CACNG3: variants seen among roughly 807,000 people sequenced by gnomAD.
The protein encoded by CACNG3 is calcium voltage-gated channel auxiliary subunit gamma 3.
CACNG3 carries 3 observed loss-of-function variants against 28.5 expected under a neutral mutation model. That is an observed-to-expected ratio of 0.11 (90% CI 0.05 to 0.27). The LOEUF (loss-of-function observed/expected upper bound fraction) is 0.27, where lower values mean the gene tolerates loss of function less well. Ranked by LOEUF, CACNG3 falls within the 10% of genes least tolerant of loss-of-function variation. The probability of loss-of-function intolerance (pLI) is 1.00; values close to 1 mark genes in which losing one functional copy is unlikely to be tolerated. For synonymous variants in CACNG3, 174 were observed against 162.2 expected (o/e 1.07, Z -0.55); for missense variants, 236 against 414.4 (o/e 0.57, Z 3.74).
rs1055843023 is a variant in CACNG3, at chr16:24,262,534, T to C, written c.211+5569T>C. ...ACCAACTCCCCACCACCACTGCACC[T>C]ACCCTAGCCCTTACTGGGGCTGCTC... On this transcript the variant is annotated intron_variant, in intron 1 of 3. Coordinates refer to ENST00000005284, the MANE Select transcript of CACNG3 (RefSeq NM_006539.4). Among the ~76,000 whole-genome samples the C allele has an allele frequency of 7.9e-5, 12 of 152,350 alleles. 1 individual carries two copies. Among genetic ancestry groups the C allele is most frequent in the Admixed American group, 3.9e-4 (6 of 15,298 alleles).
intron 1 of CACNG3, among the ~76,000 whole-genome samples, chr16:24,279,998 G>A (rs1898802907): frequency 6.6e-6 from 1 of 152,190 alleles, no homozygotes; most frequent in Non-Finnish European, 1.5e-5. Flanking sequence ...ATGGAGCTAT[G>A]CTTTTTTGAT....
rs573391144 is a variant in CACNG3, at chr16:24,361,003, G to A, written c.437-349G>A. 1.3e-5 allele frequency among the ~76,000 whole-genome samples: 2 copies of A among 152,312 alleles called. No homozygotes were observed. The highest frequency in any genetic ancestry group is 4.1e-4 in the South Asian group (2 of 4,828). ...GTAAAGAATTCAAGGGCAGAGGCGT[G>A]TATCTTGTTCATTTTACAATCTTCA... On this transcript the variant is annotated intron_variant, in intron 3 of 3. Transcript: ENST00000005284. This position sits in a 1 kb window ranked among gnomAD's most constrained non-coding sequence, Gnocchi z 6.8.
At chr16:24,272,985 C>G (rs1460669792) in intron 1 of CACNG3, among the ~76,000 whole-genome samples, 1 of 152,116 alleles carries the variant, frequency 6.6e-6, no homozygotes, top group Admixed American at 6.5e-5. Context: ...TCCTGATCTT[C>G]TCCCTTCTCC....
At chr16:24,292,605 A>C in intron 1 of CACNG3, among the ~76,000 whole-genome samples, 1 of 146,804 alleles carries the variant, frequency 6.8e-6, no homozygotes, top group African/African-American at 2.5e-5. Flanking sequence ...CTCTGCCCAG[A>C]CTCTCTCCCT....
chr16:24,347,348 G>A lies in CACNG3; in HGVS notation c.295+531G>A, dbSNP rs74822621. Among the ~76,000 whole-genome samples the A allele has an allele frequency of 7.5e-3, 1,138 of 151,984 alleles. 17 individuals are homozygous for A. Among genetic ancestry groups the A allele is most frequent in the African/African-American group, 0.026 (1,065 of 41,440 alleles). On this transcript the variant is annotated intron_variant, in intron 2 of 3. Coordinates refer to ENST00000005284, the MANE Select transcript of CACNG3 (RefSeq NM_006539.4). ...AGAAAGAGAAGGAGAAAGAAAAGGA[G>A]AATGAGAATGAGAAAGAGAAAGAGA...
chr16:24,258,435 A>G (rs917383456), intron 1 of CACNG3, among the ~76,000 whole-genome samples: 1 of 152,206 alleles, frequency 6.6e-6, no homozygotes, highest in Non-Finnish European at 1.5e-5. Context: ...GCCTTGGTTA[A>G]GACATTTACC....
chr16:24,280,383 C>T (rs1181480999), intron 1 of CACNG3, among the ~76,000 whole-genome samples: 1 of 152,194 alleles, frequency 6.6e-6, no homozygotes, highest in Non-Finnish European at 1.5e-5. Context: ...GTGTTCTCAA[C>T]CATAATTTGG....
chr16:24,262,354 G>A (rs1377154297), intron 1 of CACNG3, among the ~76,000 whole-genome samples: 2 of 152,230 alleles, frequency 1.3e-5, no homozygotes, highest in East Asian at 1.9e-4. Context: ...CCCTGACTGC[G>A]TTTGAGGGTT....
At chr16:24,290,278 A>G (rs1232829879) in intron 1 of CACNG3, among the ~76,000 whole-genome samples, 5 of 152,238 alleles carry the variant, frequency 3.3e-5, no homozygotes, top group Non-Finnish European at 7.3e-5. Flanking sequence ...TCTAAATTGG[A>G]CTAAGGAAGA....
chr16:24,300,632 A>C (rs985626743), intron 1 of CACNG3, among the ~76,000 whole-genome samples: 3 of 152,204 alleles, frequency 2.0e-5, no homozygotes, highest in Non-Finnish European at 4.4e-5. Flanking sequence ...AAAAAAAAAA[A>C]AAACCATAGA....
At position 24,361,399 on chromosome 16, in the gene CACNG3, G is replaced by A. The variant is rs766742794; in HGVS notation, c.484G>A (p.Gly162Arg). ...GIIVYISANA[G>R]DPGQRDSKKS... ...CATAGTTTATATATCAGCCAACGCCGGAGACCCCGGGCAGCGTGACTCCAA... is the reference window on the plus strand; with the variant it reads ...CATAGTTTATATATCAGCCAACGCCAGAGACCCCGGGCAGCGTGACTCCAA... Residue 162 changes from glycine (G) to arginine (R), a missense_variant, in exon 4 of 4, where the codon GGA becomes AGA. Transcript: ENST00000005284. This position sits in a 1 kb window ranked among gnomAD's most constrained non-coding sequence, Gnocchi z 6.8. 2 of 1,612,566 alleles carry A rather than the reference G, an allele frequency of 1.2e-6. No homozygotes were observed. Among genetic ancestry groups the A allele is most frequent in the South Asian group, 1.1e-5 (1 of 90,844 alleles).
intron 1 of CACNG3, among the ~76,000 whole-genome samples, chr16:24,280,677 G>A (rs1363853199): frequency 1.1e-4 from 17 of 151,834 alleles, no homozygotes; most frequent in African/African-American, 3.9e-4. Flanking sequence ...TTAGCTGGGC[G>A]TGGTGGTGCA....
intron 1 of CACNG3, among the ~76,000 whole-genome samples, chr16:24,299,263 A>G (rs1899074689): frequency 6.6e-6 from 1 of 152,160 alleles, no homozygotes; most frequent in South Asian, 2.1e-4. Flanking sequence ...TTTATTTTAT[A>G]CTTTGGGTTA....
rs1900008771 is a variant in CACNG3 at position 24,354,966 on chromosome 16, C to T, written c.429C>T (p.Val143=). The change falls in exon 3 of 4, where the codon GTC becomes GTT. Residue 143 remains valine (V), a synonymous_variant. Coordinates refer to ENST00000005284, the MANE Select transcript of CACNG3 (RefSeq NM_006539.4). The stretch of plus-strand genomic sequence containing the variant: ...TTCTCAGCGCGGGCATCTTTTTTGT[C>T]TCTGCAGGTGAGTGTCTGGCCCCAG... ...NVILSAGIFF[V]SAGLSNIIGI... is the part of the protein sequence containing the mutation. 1 of 1,612,684 alleles carries T rather than the reference C, an allele frequency of 6.2e-7. No homozygotes were observed. The highest frequency in any genetic ancestry group is 1.1e-5 in the South Asian group (1 of 91,018).
chr16:24,335,483 A>G (rs1165014350), intron 1 of CACNG3, among the ~76,000 whole-genome samples: 1 of 152,186 alleles, frequency 6.6e-6, no homozygotes, highest in East Asian at 1.9e-4. Flanking sequence ...ATGGACATCC[A>G]CATACATACT....
At chr16:24,269,116 C>A (rs1050449515) in intron 1 of CACNG3, among the ~76,000 whole-genome samples, 6 of 152,084 alleles carry the variant, frequency 3.9e-5, no homozygotes, top group African/African-American at 1.4e-4. Context: ...AGGCAAGACC[C>A]AACACCATCT....
At chr16:24,318,485 C>A (rs1899416800) in intron 1 of CACNG3, among the ~76,000 whole-genome samples, 1 of 152,122 alleles carries the variant, frequency 6.6e-6, no homozygotes, top group Admixed American at 6.6e-5. Flanking sequence ...AATTACCGCA[C>A]CCGGCCTGTA....
intron 1 of CACNG3, among the ~76,000 whole-genome samples, chr16:24,310,565 A>AAAACAAAC (rs113752473): frequency 0.43 from 64,814 of 151,242 alleles, 14,325 homozygotes; most frequent in African/African-American, 0.54. Context: ...CTCCATCTCA[A>AAAACAAAC]AAACAAACAA....
At chr16:24,339,476 C>G (rs1899754549) in intron 1 of CACNG3, among the ~76,000 whole-genome samples, 1 of 151,842 alleles carries the variant, frequency 6.6e-6, no homozygotes, top group Non-Finnish European at 1.5e-5. Context: ...ATCTACGCCT[C>G]CCAGGTTAGA....
Sources: gnomAD v4.1 joint callset for allele counts (sites outside exome capture counted in the v4.1 genomes callset) on GRCh38, gnomAD v4.1.1 for gene constraint, Gnocchi (gnomAD v3.1) non-coding constraint, MANE v1.5 for transcripts, NCBI Gene and HGNC (gene_info 2026-07-23, HGNC 2026-07-21) for gene names.